Variants in RPL13A observed in about 807,000 individuals in gnomAD.
The protein encoded by RPL13A is large ribosomal subunit protein uL13.
A neutral mutation model predicts 30.8 loss-of-function variants in RPL13A; 4 were observed. That is an observed-to-expected ratio of 0.13 (90% CI 0.06 to 0.30). The LOEUF (loss-of-function observed/expected upper bound fraction) is 0.30, where lower values mean the gene tolerates loss of function less well. RPL13A is among the 10% of genes least tolerant of loss of function. RPL13A has a pLI of 1.00. For synonymous variants in RPL13A, 108 were observed against 104.2 expected (o/e 1.04, Z -0.22); for missense variants, 196 against 272.6 (o/e 0.72, Z 1.98).
chr19:49,490,339 G>A (rs371465800), intron 3 of RPL13A, 42 bp downstream of exon 3: 3 of 1,605,638 alleles, frequency 1.9e-6, no homozygotes, highest in East Asian at 2.2e-5. Flanking sequence ...GGGTCTCCCT[G>A]TGGGGTGTTG....
chr19:49,492,200 T>C lies in RPL13A; in HGVS notation c.*385T>C, dbSNP rs1256291428. On this transcript the variant is annotated 3_prime_UTR_variant, in exon 8 of 8. Transcript: ENST00000391857. ...TGAGCTTGCTGTTGTACACAGGGTA[T>C]TTCTAGAAGCAGAAATAGACTGGGA... The C allele has an allele frequency of 1.6e-5, 3 of 184,386 alleles. No homozygotes were observed. Among genetic ancestry groups the C allele is most frequent in the African/African-American group, 2.4e-5 (1 of 42,392 alleles). 11.4% of individuals were successfully genotyped at this position (184,386 alleles called of 1,614,324 possible).
Position 49,488,595 on chromosome 19 carries a change from C to A in RPL13A, c.15+951C>A, listed in dbSNP as rs1421398665. Among the ~76,000 whole-genome samples, 4 of 152,350 alleles carry A rather than the reference C, an allele frequency of 2.6e-5. No individual in the cohort carries two copies. In the East Asian group the frequency reaches 7.7e-4, roughly 29 times the overall value. ...AATTGGTGATTTTGGGCCAAGGTCACGACTTCAGGAAGTCTGTCTGGATTT... is the reference window on the plus strand; with the variant it reads ...AATTGGTGATTTTGGGCCAAGGTCAAGACTTCAGGAAGTCTGTCTGGATTT... On this transcript the variant is annotated intron_variant, in intron 1 of 7. Coordinates refer to ENST00000391857, the MANE Select transcript of RPL13A (RefSeq NM_012423.4).
rs11542197 is a variant in RPL13A, at chr19:49,490,831, G to C, written c.309G>C (p.Lys103Asn). ...GCCAGGCCGCTCTGGACCGTCTCAA[G>C]GTGTTTGACGGCATCCCACCGCCCT... is the stretch of plus-strand genomic sequence containing the variant. ...KRGQAALDRL[K>N]VFDGIPPPYD... Residue 103 changes from lysine (K) to asparagine (N), a missense_variant, in exon 5 of 8, where the codon AAG becomes AAC. Physicochemically the swap from Lys to Asn is moderately conservative, Grantham distance 94. Transcript: ENST00000391857. The C allele has an allele frequency of 1.2e-6, 2 of 1,614,076 alleles. No homozygotes were observed. The highest frequency in any genetic ancestry group is 4.5e-5 in the East Asian group (2 of 44,868).
intron 1 of RPL13A, among the ~76,000 whole-genome samples, chr19:49,488,390 T>C (rs939190760): frequency 1.3e-5 from 2 of 152,204 alleles, no homozygotes; most frequent in African/African-American, 2.4e-5. Flanking sequence ...GGTTTCTTTG[T>C]GAGTAGTCTG....
rs2079837717 is a variant in RPL13A, at chr19:49,489,004, C to T, written c.16-846C>T. On this transcript the variant is annotated intron_variant, in intron 1 of 7. Coordinates refer to ENST00000391857, the MANE Select transcript of RPL13A (RefSeq NM_012423.4). ...TACAGGCGTGAGCCCCTGTGCCCGG[C>T]CAGGATTTCTACTCCGGAGGAAGCT... Among the ~76,000 whole-genome samples the T allele has an allele frequency of 9.2e-5, 14 of 152,334 alleles. No homozygotes were observed. In the South Asian group the frequency reaches 2.7e-3, roughly 29 times the overall value.
intron 1 of RPL13A, among the ~76,000 whole-genome samples, chr19:49,487,936 G>T (rs769598650): frequency 6.6e-6 from 1 of 152,070 alleles, no homozygotes; most frequent in Non-Finnish European, 1.5e-5. Context: ...AGTGGGTGGG[G>T]GCCCTGGGGT....
chr19:49,490,678 A>G (rs1458401199), intron 4 of RPL13A, 101 bp from the exon 5 acceptor site: 2 of 1,564,378 alleles, frequency 1.3e-6, no homozygotes, highest in African/African-American at 2.7e-5. Flanking sequence ...ATGACTCCAC[A>G]TGCACTACCA....
rs2122619642 is a variant in RPL13A at position 49,490,293 on chromosome 19, C to T, written c.150C>T (p.Asn50=). 2 of 1,614,068 alleles carry T rather than the reference C, an allele frequency of 1.2e-6. No individual in the cohort carries two copies. Among genetic ancestry groups the T allele is most frequent in the East Asian group, 2.2e-5 (1 of 44,882 alleles). The change falls in exon 3 of 8, where the codon AAC becomes AAT. Residue 50 remains asparagine (N), a synonymous_variant. Coordinates refer to ENST00000391857, the MANE Select transcript of RPL13A (RefSeq NM_012423.4). ...ACATTTCTGGCAATTTCTACAGAAA[C>T]AAGTGTAAGTTAGGACCTGGGAGGA... is the stretch of plus-strand genomic sequence containing the variant. ...GINISGNFYR[N]KLKYLAFLRK... is the part of the protein sequence containing the mutation.
chr19:49,489,716 CAT>C, intron 1 of RPL13A, 132 bp from the exon 2 acceptor site: 1 of 752,090 alleles, frequency 1.3e-6, no homozygotes, highest in South Asian at 1.5e-5. Context: ...GGGCTCCGTG[CAT>C]AGTTCCCAGC....
In RPL13A at chr19:49,491,885, G is replaced by C. The variant is rs1311610587; in HGVS notation, c.*70G>C. 1.6e-6 allele frequency: 2 copies of C among 1,273,944 alleles called. No individual in the cohort carries two copies. Among genetic ancestry groups the C allele is most frequent in the East Asian group, 4.8e-5 (2 of 41,978 alleles). 78.9% of individuals were successfully genotyped at this position (1,273,944 alleles called of 1,614,324 possible). On this transcript the variant is annotated 3_prime_UTR_variant, in exon 8 of 8. Coordinates refer to ENST00000391857, the MANE Select transcript of RPL13A (RefSeq NM_012423.4). Reference sequence around the variant, plus strand: ...TCCATTGTTGCCCTGGAATGTACGGGACCCAGGGGCAGCAGCAGTCCAGGT... The same window carrying C: ...TCCATTGTTGCCCTGGAATGTACGGCACCCAGGGGCAGCAGCAGTCCAGGT...
chr19:49,491,190 T>G (rs2079864260), intron 6 of RPL13A, 91 bp downstream of exon 6: 1 of 1,429,192 alleles, frequency 7.0e-7, no homozygotes, highest in South Asian at 1.1e-5. Context: ...ATGATGTCCT[T>G]ATCTCACGAT....
chr19:49,489,143 C>T lies in RPL13A; in HGVS notation c.16-707C>T, dbSNP rs532993504. 2.4e-4 allele frequency among the ~76,000 whole-genome samples: 36 copies of T among 152,266 alleles called. No individual in the cohort carries two copies. The East Asian group carries it at 5.0e-3, about 21-fold the overall frequency. On this transcript the variant is annotated intron_variant, in intron 1 of 7. Coordinates refer to ENST00000391857, the MANE Select transcript of RPL13A (RefSeq NM_012423.4). ...ATCCCACCTGAAATTCGGTTTTCTT[C>T]CAAATTAAATTTGTGGTAGAAACAT...
intron 1 of RPL13A, among the ~76,000 whole-genome samples, chr19:49,488,728 C>T (rs1018189008): frequency 1.3e-5 from 2 of 152,228 alleles, no homozygotes; most frequent in African/African-American, 4.8e-5. Flanking sequence ...TTTTCTGAGA[C>T]GGAGTCTCGC....
At chr19:49,489,658 C>G (rs1321069717) in intron 1 of RPL13A, among the ~76,000 whole-genome samples, 192 bp from the exon 2 acceptor site, 1 of 152,232 alleles carries the variant, frequency 6.6e-6, no homozygotes, top group African/African-American at 2.4e-5. Context: ...ACTCACTGAT[C>G]CTGAGGCAGC....
At position 49,490,019 on chromosome 19, in the gene RPL13A, G is replaced by C. The variant is rs747772642; in HGVS notation, c.88+97G>C. On this transcript the variant is annotated intron_variant, in intron 2 of 7. Transcript: ENST00000391857. The stretch of plus-strand genomic sequence containing the variant: ...TTTCGTTTGAGTCTCACGGCCATGA[G>C]ATCAACCCCATGCACCGCTCTGAGA... The C allele has an allele frequency of 7.2e-6, 8 of 1,115,596 alleles. No homozygotes were observed. In the African/African-American group the frequency reaches 1.1e-4, roughly 15 times the overall value. 69.1% of individuals were successfully genotyped at this position (1,115,596 alleles called of 1,614,324 possible).
At chr19:49,490,697 C>A in intron 4 of RPL13A, 82 bp from the exon 5 acceptor site, 1 of 1,581,366 alleles carries the variant, frequency 6.3e-7, no homozygotes, top group Non-Finnish European at 8.7e-7. Flanking sequence ...CATCTGAGGC[C>A]ACCCCATGGG....
intron 1 of RPL13A, 42 bp downstream of exon 1, chr19:49,487,686 G>A: frequency 2.0e-6 from 3 of 1,497,690 alleles, no homozygotes; most frequent in Non-Finnish European, 2.7e-6. Flanking sequence ...GGGCCGGGTG[G>A]GATCCAGGCC....
In RPL13A at chr19:49,487,657, C is replaced by A; in HGVS notation, c.15+13C>A. On this transcript the variant is annotated intron_variant, in intron 1 of 7. Transcript: ENST00000391857. ...GGCGGAGGTGCAGGTATGGGCTCCG[C>A]GCGGGCCGGGGCGGCAAGGGGCCGG... 6.5e-7 allele frequency: 1 copy of A among 1,540,304 alleles called. No homozygotes were observed. Among genetic ancestry groups the A allele is most frequent in the South Asian group, 1.2e-5 (1 of 82,350 alleles).
rs1168499981 is a variant in RPL13A at position 49,491,724 on chromosome 19, G to A, written c.526-5G>A. 6.2e-7 allele frequency: 1 copy of A among 1,613,024 alleles called. No individual in the cohort carries two copies. The highest frequency in any genetic ancestry group is 2.2e-5 in the East Asian group (1 of 44,864). ...ACCACCACCACCTGCACTTATTCTTGGCAGAGGCTACGGAAACAGGCCGAG... is the reference window on the plus strand; with the variant it reads ...ACCACCACCACCTGCACTTATTCTTAGCAGAGGCTACGGAAACAGGCCGAG... On this transcript the variant is annotated splice_polypyrimidine_tract_variant and splice_region_variant and intron_variant, in intron 7 of 7. Transcript: ENST00000391857.
Sources: gnomAD v4.1 joint callset for allele counts (sites outside exome capture counted in the v4.1 genomes callset) on GRCh38, gnomAD v4.1.1 for gene constraint, MANE v1.5 for transcripts, NCBI Gene and HGNC (gene_info 2026-07-23, HGNC 2026-07-21) for gene names.